CEBPZ: variants seen among roughly 807,000 people sequenced by gnomAD.
CEBPZ encodes CCAAT enhancer binding protein zeta.
CEBPZ carries 78 observed loss-of-function variants against 104.5 expected under a neutral mutation model. The observed-to-expected ratio is 0.75, with a 90% CI of 0.62 to 0.90. CEBPZ has a LOEUF of 0.90. Among genes scored for constraint, CEBPZ ranks in the 40% least tolerant of loss-of-function variants. The pLI is 0.00. For synonymous variants in CEBPZ, 470 were observed against 427.0 expected (o/e 1.10, Z -1.24); for missense variants, 1,439 against 1,233.5 (o/e 1.17, Z -2.50).
Position 37,231,571 on chromosome 2 carries a change from G to C in CEBPZ, c.-4C>G. 2 of 1,614,220 alleles carry C rather than the reference G, an allele frequency of 1.2e-6. No homozygotes were observed. Among genetic ancestry groups the C allele is most frequent in the East Asian group, 2.2e-5 (1 of 44,876 alleles). On this transcript the variant is annotated 5_prime_UTR_variant, in exon 1 of 16. Transcript: ENST00000234170. ...AAGGCTCCTTGACTGCGGCCATGGC[G>C]GGCAAAGCATACGCGCGTGAAACTC... is the stretch of plus-strand genomic sequence containing the variant.
At chr2:37,225,027 C>T (rs1400455056) in intron 2 of CEBPZ, among the ~76,000 whole-genome samples, 3 of 147,694 alleles carry the variant, frequency 2.0e-5, no homozygotes, top group Non-Finnish European at 4.5e-5. Flanking sequence ...AATAATGAAA[C>T]CACCCCCCTT....
At position 37,211,967 on chromosome 2, in the gene CEBPZ, TTCA is replaced by T; in HGVS notation, c.2673_2675del (p.Asp891del). On this transcript the variant is annotated inframe_deletion, in exon 12 of 16. Transcript: ENST00000234170. ...CTTCATCGTCATCCAGGTTACCAAG[TTCA>T]TCATCACTACCTTCTGAATCTTCAT... The T allele has an allele frequency of 1.2e-6, 2 of 1,613,650 alleles. No homozygotes were observed. Among genetic ancestry groups the T allele is most frequent in the Non-Finnish European group, 8.5e-7 (1 of 1,179,838 alleles).
intron 5 of CEBPZ, among the ~76,000 whole-genome samples, chr2:37,219,274 T>C (rs1664709650): frequency 6.6e-6 from 1 of 152,142 alleles, no homozygotes; most frequent in African/African-American, 2.4e-5. Flanking sequence ...ATGCTTTAGG[T>C]AGGCAGCACA....
Position 37,211,070 on chromosome 2 carries a change from T to A in CEBPZ, c.2813A>T (p.His938Leu). The change falls in exon 13 of 16, where the codon CAC becomes CTC. Residue 938 changes from histidine (H) to leucine (L), a missense_variant. Coordinates refer to ENST00000234170, the MANE Select transcript of CEBPZ (RefSeq NM_005760.3). ...ESESVPELEV[H>L]SKVSTKKSKR... ...GCTTTTCTTAGTACTGACTTTGGAG[T>A]GGACTTCAAGTTCTGTTACACGAAA... The A allele has an allele frequency of 6.2e-7, 1 of 1,608,496 alleles. No homozygotes were observed. Among genetic ancestry groups the A allele is most frequent in the Non-Finnish European group, 8.5e-7 (1 of 1,178,254 alleles).
chr2:37,214,038 C>A, intron 9 of CEBPZ, 77 bp from the exon 10 acceptor site: 1 of 702,322 alleles, frequency 1.4e-6, no homozygotes, highest in Non-Finnish European at 2.2e-6. Context: ...GCACCTATGA[C>A]CAGTGGCAAA....
At chr2:37,220,495 C>G (rs552122905) in intron 4 of CEBPZ, 22 bp from the exon 5 acceptor site, 92 of 1,264,742 alleles carry the variant, frequency 7.3e-5, no homozygotes, top group Non-Finnish European at 9.5e-5. Flanking sequence ...AAAAAAAATA[C>G]GATTTCTCAA....
chr2:37,212,296 T>C, intron 11 of CEBPZ, 39 bp downstream of exon 11: 1 of 1,568,992 alleles, frequency 6.4e-7, no homozygotes, highest in Non-Finnish European at 8.8e-7. Flanking sequence ...ATTTGGGAAA[T>C]GCTAGAAAAA....
Position 37,217,078 on chromosome 2 carries a change from C to A in CEBPZ, c.2155-41G>T. The A allele has an allele frequency of 2.0e-6, 3 of 1,507,260 alleles. No homozygotes were observed. In the South Asian group the frequency reaches 3.4e-5, roughly 17 times the overall value. 93.4% of individuals were successfully genotyped at this position (1,507,260 alleles called of 1,614,324 possible). On this transcript the variant is annotated intron_variant, in intron 5 of 15. Coordinates refer to ENST00000234170, the MANE Select transcript of CEBPZ (RefSeq NM_005760.3). ...TGAATAATATCAATATTTCTAAGGT[C>A]GACTCTTAGTACATTTATAGCTTAT...
At chr2:37,205,731 A>G (rs1376785972) in intron 13 of CEBPZ, among the ~76,000 whole-genome samples, 2 of 152,208 alleles carry the variant, frequency 1.3e-5, no homozygotes, top group Non-Finnish European at 2.9e-5. Context: ...ACTGGAGGCA[A>G]AGTATGTACA....
chr2:37,228,429 A>G lies in CEBPZ; in HGVS notation c.764T>C (p.Ile255Thr), dbSNP rs367969436. The change falls in exon 2 of 16, where the codon ATT becomes ACT. Residue 255 changes from isoleucine (I) to threonine (T), a missense_variant. Ile to Thr is a moderately conservative substitution (Grantham distance 89). Coordinates refer to ENST00000234170, the MANE Select transcript of CEBPZ (RefSeq NM_005760.3). ...GDRMAAMILL[I>T]QDDAVHTLQF... is the part of the protein sequence containing the mutation. Reference sequence around the variant, plus strand: ...AAGTGTGTGAACGGCATCATCCTGAATAAGAAGAATCATGGCTGCCATCCT... The same window carrying G: ...AAGTGTGTGAACGGCATCATCCTGAGTAAGAAGAATCATGGCTGCCATCCT... 1.2e-6 allele frequency: 2 copies of G among 1,614,132 alleles called. No individual in the cohort carries two copies. The highest frequency in any genetic ancestry group is 1.3e-5 in the African/African-American group (1 of 74,948).
At chr2:37,211,744 G>C in intron 12 of CEBPZ, 99 bp downstream of exon 12, 1 of 823,270 alleles carries the variant, frequency 1.2e-6, no homozygotes, top group Non-Finnish European at 1.8e-6. Context: ...GTATTAATTT[G>C]AATACAGGGC....
At chr2:37,202,004 G>A in intron 15 of CEBPZ, 101 bp from the exon 16 acceptor site, 1 of 1,126,150 alleles carries the variant, frequency 8.9e-7, no homozygotes, top group Middle Eastern at 2.1e-4. Flanking sequence ...AGCCTGCCTT[G>A]GCCTGTGGTT....
At position 37,228,401 on chromosome 2, in the gene CEBPZ, C is replaced by G; in HGVS notation, c.792G>C (p.Gln264His). ...LIQDDAVHTL[Q>H]FVETLVNLVK... ...CAAGGTTCACAAGAGTTTCTACAAACTGAAGTGTGTGAACGGCATCATCCT... is the reference window on the plus strand; with the variant it reads ...CAAGGTTCACAAGAGTTTCTACAAAGTGAAGTGTGTGAACGGCATCATCCT... Residue 264 changes from glutamine (Q) to histidine (H), a missense_variant, in exon 2 of 16, where the codon CAG becomes CAC. Physicochemically the swap from Gln to His is conservative, Grantham distance 24 (BLOSUM62 0). Transcript: ENST00000234170. 6.2e-7 allele frequency: 1 copy of G among 1,614,240 alleles called. No individual in the cohort carries two copies. Among genetic ancestry groups the G allele is most frequent in the South Asian group, 1.1e-5 (1 of 91,086 alleles).
chr2:37,208,019 A>G (rs1677596393), intron 13 of CEBPZ, among the ~76,000 whole-genome samples: 1 of 152,174 alleles, frequency 6.6e-6, no homozygotes, highest in Non-Finnish European at 1.5e-5. Flanking sequence ...TACTATGAAC[A>G]CCTTTATGCA....
At chr2:37,213,643 A>T in intron 10 of CEBPZ, 1 of 414,382 alleles carries the variant, frequency 2.4e-6, no homozygotes, top group South Asian at 2.6e-5. Context: ...CGAACTCCTG[A>T]CCTCAAACAA....
intron 10 of CEBPZ, chr2:37,213,341 T>C (rs1348202913): frequency 6.5e-6 from 1 of 153,238 alleles, no homozygotes; most frequent in Non-Finnish European, 1.5e-5. Context: ...ATATAGACTA[T>C]CCAAAGCACA....
intron 13 of CEBPZ, among the ~76,000 whole-genome samples, chr2:37,206,911 C>A (rs923590370): frequency 2.0e-5 from 3 of 152,072 alleles, no homozygotes; most frequent in Non-Finnish European, 2.9e-5. Flanking sequence ...AGGAGACTCA[C>A]GTAACACATA....
chr2:37,218,777 T>A (rs1214929477), intron 5 of CEBPZ, among the ~76,000 whole-genome samples: 1 of 152,060 alleles, frequency 6.6e-6, no homozygotes, highest in African/African-American at 2.4e-5. Context: ...GGTGGCATGC[T>A]CCTGTAATCC....
chr2:37,210,987 G>A lies in CEBPZ; in HGVS notation c.2884+12C>T, dbSNP rs1178828695. The A allele has an allele frequency of 2.0e-5, 32 of 1,578,258 alleles. No individual in the cohort carries two copies. The highest frequency in any genetic ancestry group is 2.0e-5 in the Non-Finnish European group (23 of 1,154,292). On this transcript the variant is annotated intron_variant, in intron 13 of 15. Transcript: ENST00000234170. ...ACACTGCTTTTAAAAGATATTAAAT[G>A]TATTTTCTTACCTTGAAATGAGCCA...
Sources: gnomAD v4.1 joint callset for allele counts (sites outside exome capture counted in the v4.1 genomes callset) on GRCh38, gnomAD v4.1.1 for gene constraint, MANE v1.5 for transcripts, NCBI Gene and HGNC (gene_info 2026-07-23, HGNC 2026-07-21) for gene names.